The following URB1 variants were observed in gnomAD, a reference collection of about 807,000 sequenced individuals.
URB1 encodes URB1 ribosome biogenesis factor.
In URB1, 197 loss-of-function variants were observed where a neutral mutation model predicts 242.3. The ratio of observed to expected loss-of-function variants is 0.81; its 90% CI spans 0.72 to 0.91. The LOEUF is 0.91. Ranked by LOEUF, URB1 falls within the 40% of genes least tolerant of loss-of-function variation. URB1 has a pLI of 0.00. For missense variants in URB1, 2,721 were observed against 2,860.5 expected (o/e 0.95, Z 1.11); for synonymous variants, 1,153 against 1,201.8 (o/e 0.96, Z 0.84).
chr21:32,379,960 C>A (rs1406612502), intron 4 of URB1, among the ~76,000 whole-genome samples: 2 of 150,216 alleles, frequency 1.3e-5, no homozygotes, highest in Non-Finnish European at 3.0e-5. Flanking sequence ...ACCTGGGCGA[C>A]AGAGCGAGAC....
At position 32,319,281 on chromosome 21, in the gene URB1, G is replaced by A. The variant is rs764738571; in HGVS notation, c.5728C>T (p.Arg1910Trp). 1.3e-5 allele frequency: 20 copies of A among 1,550,878 alleles called. No homozygotes were observed. Among genetic ancestry groups the A allele is most frequent in the Middle Eastern group, 1.7e-4 (1 of 6,010 alleles). Reference sequence around the variant, plus strand: ...TCATTGACCAGGTGCAGGGCAAGCCGCTTGGCAGGCTCCTGGGAGCTAGGC... The same window carrying A: ...TCATTGACCAGGTGCAGGGCAAGCCACTTGGCAGGCTCCTGGGAGCTAGGC... ...CQPSSQEPAK[R>W]LALHLVNEFL... Residue 1910 changes from arginine to tryptophan, a missense_variant, in exon 36 of 39, where the codon CGG becomes TGG. Arg to Trp is a moderately radical substitution (Grantham distance 101). Coordinates refer to ENST00000382751, the MANE Select transcript of URB1 (RefSeq NM_014825.3).
chr21:32,323,964 A>G (rs2123548174), intron 32 of URB1, among the ~76,000 whole-genome samples: 1 of 152,220 alleles, frequency 6.6e-6, no homozygotes, highest in East Asian at 1.9e-4. Context: ...CCGTGTCTCC[A>G]AAAAACAAAA....
At chr21:32,349,856 A>G (rs2033136991) in intron 20 of URB1, among the ~76,000 whole-genome samples, 1 of 151,554 alleles carries the variant, frequency 6.6e-6, no homozygotes, top group South Asian at 2.1e-4. Flanking sequence ...GCACTTCGGG[A>G]GGCTGTGGCG....
chr21:32,384,497 GTCTCA>G, intron 2 of URB1, 33 bp from the exon 3 acceptor site: 1 of 1,542,982 alleles, frequency 6.5e-7, no homozygotes, highest in Non-Finnish European at 8.8e-7. Flanking sequence ...CTTAGAAATC[GTCTCA>G]TTTCCTTTCC....
intron 3 of URB1, 128 bp downstream of exon 3, chr21:32,384,185 A>G: frequency 1.7e-6 from 2 of 1,185,898 alleles, no homozygotes; most frequent in Non-Finnish European, 2.3e-6. Context: ...AGACTCGGTC[A>G]CTGTGGCCTC....
chr21:32,327,066 C>CA (rs201932562), intron 30 of URB1, among the ~76,000 whole-genome samples: 16 of 150,836 alleles, frequency 1.1e-4, no homozygotes, highest in Admixed American at 7.9e-4. Context: ...GAAATCTGAC[C>CA]AAAAAAAACT....
chr21:32,350,625 C>T lies in URB1; in HGVS notation c.2832+79G>A, dbSNP rs79908015. The T allele has an allele frequency of 1.0e-3, 1,513 of 1,474,120 alleles. 13 individuals are homozygous for T. In the African/African-American group the frequency reaches 0.019, roughly 18 times the overall value. 91.3% of individuals were successfully genotyped at this position (1,474,120 alleles called of 1,614,324 possible). On this transcript the variant is annotated intron_variant, in intron 20 of 38. Transcript: ENST00000382751. ...TTCCAGGGAGCAAGAGTGTGCTGGG[C>T]TGTGGGCCCGACTCAGAGAAGGCTT...
chr21:32,365,382 T>C (rs1459596711), intron 10 of URB1, among the ~76,000 whole-genome samples: 1 of 151,938 alleles, frequency 6.6e-6, no homozygotes, highest in African/African-American at 2.4e-5. Context: ...GTCCAAGAGT[T>C]TGACGCTGCA....
chr21:32,314,821 G>A lies in URB1; in HGVS notation c.*97C>T. On this transcript the variant is annotated 3_prime_UTR_variant, in exon 39 of 39. Transcript: ENST00000382751. Reference sequence around the variant, plus strand: ...ATGTACTGAACCTGTTGTTTCCCATGCCTTCTCTGGAAACCCTTGACTCAA... The same window carrying A: ...ATGTACTGAACCTGTTGTTTCCCATACCTTCTCTGGAAACCCTTGACTCAA... 1.3e-6 allele frequency: 2 copies of A among 1,489,006 alleles called. No individual in the cohort carries two copies. The highest frequency in any genetic ancestry group is 1.8e-6 in the Non-Finnish European group (2 of 1,107,394). 92.2% of individuals were successfully genotyped at this position (1,489,006 alleles called of 1,614,324 possible). A position where few individuals can be genotyped will look rare whatever the true frequency, so the allele number is the denominator to read the frequency against.
At position 32,361,087 on chromosome 21, in the gene URB1, A is replaced by G; in HGVS notation, c.1676T>C (p.Leu559Pro). The G allele has an allele frequency of 2.6e-6, 4 of 1,550,092 alleles. No homozygotes were observed. The highest frequency in any genetic ancestry group is 2.4e-5 in the South Asian group (2 of 83,614). Reference sequence around the variant, plus strand: ...CTTCTGGTAGAGGCATATGACCTGGAGCAAAACAGCTTTCAAAAGAATGGT... The same window carrying G: ...CTTCTGGTAGAGGCATATGACCTGGGGCAAAACAGCTTTCAAAAGAATGGT... ...AETILLKAVL[L>P]QVICLYQKVV... The change falls in exon 13 of 39, where the codon CTC (leucine) becomes CCC (proline). Residue 559 changes from leucine to proline, a missense_variant. Coordinates refer to ENST00000382751, the MANE Select transcript of URB1 (RefSeq NM_014825.3).
chr21:32,327,716 T>C (rs2032846035), intron 30 of URB1, among the ~76,000 whole-genome samples: 2 of 152,222 alleles, frequency 1.3e-5, no homozygotes, highest in South Asian at 4.1e-4. Flanking sequence ...ATGACAAGAA[T>C]AGCAGAAAAG....
In URB1 at chr21:32,363,132, G is replaced by A. The variant is rs1374801716; in HGVS notation, c.1509+24C>T. 9.7e-6 allele frequency: 15 copies of A among 1,545,292 alleles called. No individual in the cohort carries two copies. In the African/African-American group the frequency reaches 1.8e-4, roughly 18 times the overall value. On this transcript the variant is annotated intron_variant, in intron 11 of 38. Transcript: ENST00000382751. ...CCACCTGGTGAGGTCTGGAAGGAAA[G>A]CCCAAACCCAGATCAGAGCCTACCT...
intron 1 of URB1, 131 bp downstream of exon 1, chr21:32,392,638 T>C: frequency 8.2e-7 from 1 of 1,226,980 alleles, no homozygotes; most frequent in Non-Finnish European, 1.0e-6. Flanking sequence ...ACCTCAGTTT[T>C]CTGCAAACCA....
Position 32,366,757 on chromosome 21 carries a change from T to C in URB1, c.1198-2A>G. On this transcript the variant is annotated splice_acceptor_variant, in intron 9 of 38. Coordinates refer to ENST00000382751, the MANE Select transcript of URB1 (RefSeq NM_014825.3). LOFTEE classifies it high-confidence loss of function. ...AATCTCCGGCTGAGCCTCATAGATC[T>C]AGGAAAAGCAAAAAAGAGATTTAGG... 1 of 1,549,928 alleles carries C rather than the reference T, an allele frequency of 6.5e-7. No homozygotes were observed. Among genetic ancestry groups the C allele is most frequent in the Non-Finnish European group, 8.7e-7 (1 of 1,146,466 alleles).
At chr21:32,360,016 G>T in intron 13 of URB1, 108 bp from the exon 14 acceptor site, 1 of 966,268 alleles carries the variant, frequency 1.0e-6, no homozygotes, top group Non-Finnish European at 1.5e-6. Flanking sequence ...AAAGAAAAAG[G>T]GTGGATGCAG....
At chr21:32,352,206 T>C (rs528572521) in intron 19 of URB1, among the ~76,000 whole-genome samples, 1 of 152,278 alleles carries the variant, frequency 6.6e-6, no homozygotes, top group Admixed American at 6.5e-5. Context: ...ACCCTGCACA[T>C]TGGAGCCAGA....
At chr21:32,356,860 C>T (rs2033226922) in intron 15 of URB1, among the ~76,000 whole-genome samples, 4 of 152,252 alleles carry the variant, frequency 2.6e-5, no homozygotes, top group Admixed American at 2.6e-4. Flanking sequence ...AGGTTCACAA[C>T]TGCACTACCT....
chr21:32,328,743 A>G (rs1465497120), intron 30 of URB1, among the ~76,000 whole-genome samples: 1 of 152,232 alleles, frequency 6.6e-6, no homozygotes. Flanking sequence ...AGGAAAAGTC[A>G]GTTTCCTGTT....
intron 8 of URB1, among the ~76,000 whole-genome samples, chr21:32,369,781 C>A (rs2033386595): frequency 6.6e-6 from 1 of 152,070 alleles, no homozygotes; most frequent in African/African-American, 2.4e-5. Context: ...CCTTCATTTT[C>A]ATTTAGCAGA....
Sources: allele counts gnomAD v4.1 joint callset (sites outside exome capture counted in the v4.1 genomes callset), GRCh38; gene constraint gnomAD v4.1.1; transcripts MANE v1.5; gene names NCBI Gene and HGNC (gene_info 2026-07-23, HGNC 2026-07-21).